The following RIMKLB variants were observed in gnomAD, a reference collection of about 807,000 sequenced individuals.
RIMKLB encodes the protein ribosomal modification protein rimK like family member B, also known as beta-citrylglutamate synthase B.
Under a neutral mutation model 32.0 loss-of-function variants are expected in RIMKLB, and 7 were observed. That is an observed-to-expected ratio of 0.22 (90% CI 0.12 to 0.41). RIMKLB has a LOEUF of 0.41. RIMKLB is among the 10% of genes least tolerant of loss of function. RIMKLB has a pLI of 1.00. For missense variants in RIMKLB, 289 were observed against 498.7 expected (o/e 0.58, Z 4.00); for synonymous variants, 172 against 185.1 (o/e 0.93, Z 0.57).
At chr12:8,749,826 C>A in intron 2 of RIMKLB, 36 bp from the exon 3 acceptor site, 1 of 1,355,332 alleles carries the variant, frequency 7.4e-7, no homozygotes. Context: ...GTATATTTCC[C>A]TCTAATTGTG....
upstream of RIMKLB, among the ~76,000 whole-genome samples, chr12:8,695,547 T>C (rs1244984199): frequency 6.7e-6 from 1 of 150,332 alleles, no homozygotes; most frequent in African/African-American, 2.4e-5. Context: ...AATGGTAATG[T>C]GTTTAAGCCT....
chr12:8,720,603 C>T (rs569216140), intron 2 of RIMKLB, among the ~76,000 whole-genome samples: 21 of 152,142 alleles, frequency 1.4e-4, no homozygotes, highest in African/African-American at 1.9e-4. Context: ...AGTGCAGTGG[C>T]GCGATCTCGC....
intron 2 of RIMKLB, among the ~76,000 whole-genome samples, chr12:8,727,861 A>G (rs1285721170): frequency 1.3e-5 from 2 of 151,436 alleles, no homozygotes; most frequent in Admixed American, 6.6e-5. Context: ...AGACTGTGCC[A>G]CTGCATTCCA....
chr12:8,754,367 A>G (rs745835724), intron 5 of RIMKLB, among the ~76,000 whole-genome samples: 13 of 152,206 alleles, frequency 8.5e-5, no homozygotes, highest in Admixed American at 2.0e-4. Flanking sequence ...TTATCTGACA[A>G]AAGTTAAGAG....
intron 2 of RIMKLB, among the ~76,000 whole-genome samples, chr12:8,742,032 CTGGGATTACAGGCA>C (rs1398026564): frequency 6.6e-6 from 1 of 151,084 alleles, no homozygotes; most frequent in East Asian, 1.9e-4. Context: ...TCCCAAGTAG[CTGGGATTACAGGCA>C]TGCGCCACCA....
At position 8,764,871 on chromosome 12, in the gene RIMKLB, T is replaced by C. The variant is rs1253404636; in HGVS notation, c.698-8450T>C. ...GAAGCAAGCCCTATTAGGCGTTGGATTTGCCCAGCCTTTCTGTTCCAGAGC... is the reference window on the plus strand; with the variant it reads ...GAAGCAAGCCCTATTAGGCGTTGGACTTGCCCAGCCTTTCTGTTCCAGAGC... On this transcript the variant is annotated intron_variant, in intron 5 of 5. Coordinates refer to ENST00000535829, the MANE Select transcript of RIMKLB (RefSeq NM_001297776.2). Among the ~76,000 whole-genome samples the C allele has an allele frequency of 2.0e-5, 3 of 151,536 alleles. No homozygotes were observed. The East Asian group carries it at 5.8e-4, about 29-fold the overall frequency.
At chr12:8,719,248 C>T (rs1484683899) in intron 2 of RIMKLB, among the ~76,000 whole-genome samples, 1 of 152,156 alleles carries the variant, frequency 6.6e-6, no homozygotes, top group Non-Finnish European at 1.5e-5. Context: ...CTCATTTCTT[C>T]TATTGTATAA....
chr12:8,717,334 C>T (rs980086610), intron 2 of RIMKLB, among the ~76,000 whole-genome samples: 5 of 152,084 alleles, frequency 3.3e-5, no homozygotes, highest in Admixed American at 6.5e-5. Context: ...AAATGTTACA[C>T]GTCATTTACA....
intron 1 of RIMKLB, among the ~76,000 whole-genome samples, chr12:8,705,705 C>T (rs934961506): frequency 4.6e-5 from 7 of 152,094 alleles, no homozygotes; most frequent in African/African-American, 1.7e-4. Context: ...AAGCATTTAG[C>T]TTATGATTGC....
At chr12:8,729,266 TA>T (rs901349850) in intron 2 of RIMKLB, among the ~76,000 whole-genome samples, 17 of 151,984 alleles carry the variant, frequency 1.1e-4, no homozygotes, top group African/African-American at 4.1e-4. Flanking sequence ...TCAGGTCGCA[TA>T]AGTGAATTGA....
At chr12:8,692,510 A>G (rs908936434), upstream of RIMKLB, among the ~76,000 whole-genome samples, 1 of 147,000 alleles carries the variant, frequency 6.8e-6, no homozygotes, top group Admixed American at 6.8e-5. Flanking sequence ...GGTAATTTCT[A>G]TGTGGTAGAG....
upstream of RIMKLB, among the ~76,000 whole-genome samples, chr12:8,676,605 G>A (rs1235547611): frequency 6.6e-6 from 1 of 151,558 alleles, no homozygotes; most frequent in Non-Finnish European, 1.5e-5. Flanking sequence ...CACCATGTTT[G>A]CCAGGCTGGT....
At chr12:8,722,871 T>A (rs1188905771) in intron 2 of RIMKLB, among the ~76,000 whole-genome samples, 1 of 152,230 alleles carries the variant, frequency 6.6e-6, no homozygotes, top group Admixed American at 6.5e-5. Flanking sequence ...ATTCAAACTT[T>A]CCTTCACCTC....
Position 8,775,857 on chromosome 12 carries a change from T to C in RIMKLB, c.*2073T>C. ...ATATTCTAATTGCATTTAAAAGAAC[T>C]TATCTTGCGCAGGGTAAATGGGGGA... is the stretch of plus-strand genomic sequence containing the variant. On this transcript the variant is annotated 3_prime_UTR_variant, in exon 6 of 6. Coordinates refer to ENST00000535829, the MANE Select transcript of RIMKLB (RefSeq NM_001297776.2). The C allele has an allele frequency of 1.0e-6, 1 of 985,072 alleles. No homozygotes were observed. The highest frequency in any genetic ancestry group is 1.2e-6 in the Non-Finnish European group (1 of 829,622). The allele number at this position is 985,072 out of a possible 1,614,324, so 61.0% of individuals were successfully genotyped here.
intron 2 of RIMKLB, among the ~76,000 whole-genome samples, chr12:8,744,250 C>T (rs1304417434): frequency 1.3e-5 from 2 of 151,884 alleles, no homozygotes; most frequent in Non-Finnish European, 2.9e-5. Flanking sequence ...CTTCTGTTTT[C>T]CTAGAATAAC....
intron 5 of RIMKLB, among the ~76,000 whole-genome samples, chr12:8,772,299 A>AT (rs952773218): frequency 1.3e-5 from 2 of 152,234 alleles, no homozygotes; most frequent in African/African-American, 2.4e-5. Flanking sequence ...TCTCTATTGG[A>AT]TTTTTTAGTT....
At chr12:8,723,346 C>A (rs965490138) in intron 2 of RIMKLB, among the ~76,000 whole-genome samples, 1 of 152,118 alleles carries the variant, frequency 6.6e-6, no homozygotes, top group African/African-American at 2.4e-5. Flanking sequence ...CACATTTATT[C>A]AGTTTGCCCT....
chr12:8,690,145 T>C (rs1204540593), intron 1 of RIMKLB, among the ~76,000 whole-genome samples: 2 of 152,224 alleles, frequency 1.3e-5, no homozygotes, highest in Non-Finnish European at 2.9e-5. Context: ...CATTTTTTCA[T>C]GCCTGAAGTT....
rs192185998 is a variant in RIMKLB, at chr12:8,759,722, T to C, written c.697+5629T>C. Reference sequence around the variant, plus strand: ...GAAATGCCACCATACAATTTCCAGATTCTCCCCAGTTGAGAACCACTGCTT... The same window carrying C: ...GAAATGCCACCATACAATTTCCAGACTCTCCCCAGTTGAGAACCACTGCTT... On this transcript the variant is annotated intron_variant, in intron 5 of 5. Coordinates refer to ENST00000535829, the MANE Select transcript of RIMKLB (RefSeq NM_001297776.2). Among the ~76,000 whole-genome samples the C allele has an allele frequency of 1.3e-3, 200 of 152,270 alleles. 1 individual carries two copies. Among genetic ancestry groups the C allele is most frequent in the Admixed American group, 1.5e-3 (23 of 15,290 alleles).
Sources: gnomAD v4.1 joint callset for allele counts (sites outside exome capture counted in the v4.1 genomes callset) on GRCh38, gnomAD v4.1.1 for gene constraint, MANE v1.5 for transcripts, NCBI Gene and HGNC (gene_info 2026-07-23, HGNC 2026-07-21) for gene names.